Variants in SLC12A3 observed in about 807,000 individuals in gnomAD.
SLC12A3 encodes the protein Na-Cl cotransporter.
In SLC12A3, 104 loss-of-function variants were observed where a neutral mutation model predicts 121.0. The observed-to-expected ratio is 0.86, with a 90% CI of 0.73 to 1.01. SLC12A3 has a LOEUF of 1.01. Ranked by LOEUF, SLC12A3 falls within the 50% of genes least tolerant of loss-of-function variation. The pLI, the probability that SLC12A3 is intolerant of heterozygous loss-of-function variation, is 0.00. For missense variants in SLC12A3, 1,328 were observed against 1,356.3 expected (o/e 0.98, Z 0.33); for synonymous variants, 536 against 533.4 (o/e 1.00, Z -0.07).
intron 3 of SLC12A3, among the ~76,000 whole-genome samples, chr16:56,869,175 C>T (rs750290685): frequency 2.6e-4 from 40 of 152,196 alleles, no homozygotes; most frequent in African/African-American, 3.4e-4. Flanking sequence ...AAAAACACAG[C>T]GCAGATTTGG....
intron 17 of SLC12A3, 35 bp from the exon 18 acceptor site, chr16:56,887,890 G>C (rs748934104): frequency 1.3e-6 from 2 of 1,546,778 alleles, no homozygotes; most frequent in Admixed American, 1.7e-5. Context: ...CTGCCCCTCT[G>C]ATGGGTTCCC....
intron 22 of SLC12A3, among the ~76,000 whole-genome samples, chr16:56,896,978 A>G (rs924038779): frequency 5.3e-5 from 8 of 151,888 alleles, no homozygotes; most frequent in African/African-American, 1.7e-4. Context: ...TGCAGTCCCA[A>G]CTACTCAGGA....
intron 25 of SLC12A3, among the ~76,000 whole-genome samples, chr16:56,911,186 A>G (rs113402092): frequency 2.0e-5 from 3 of 152,250 alleles, no homozygotes; most frequent in African/African-American, 7.2e-5. Context: ...CAGTCAGGAG[A>G]GTTTGGGCTC....
rs139329616 is a variant in SLC12A3 at position 56,884,111 on chromosome 16, G to A, written c.1732G>A (p.Val578Met). The change falls in exon 14 of 26, where the codon GTG (valine) becomes ATG (methionine). Residue 578 changes from valine to methionine, a missense_variant. By Grantham distance (21) the Val-to-Met change is conservative. Transcript: ENST00000563236. ...WAALFGAIIS[V>M]VIMFLLTWWA... Reference sequence around the variant, plus strand: ...GGCGCTGTTTGGGGCTATCATCTCCGTGGTCATCATGTTCCTCCTCACCTG... The same window carrying A: ...GGCGCTGTTTGGGGCTATCATCTCCATGGTCATCATGTTCCTCCTCACCTG... The A allele has an allele frequency of 2.3e-4, 374 of 1,614,214 alleles. 2 individuals carry two copies. The East Asian group carries it at 6.8e-3, about 29-fold the overall frequency.
At chr16:56,907,430 C>T (rs1213483620) in intron 25 of SLC12A3, among the ~76,000 whole-genome samples, 1 of 150,252 alleles carries the variant, frequency 6.7e-6, no homozygotes, top group African/African-American at 2.5e-5. Context: ...TGCACTCCAG[C>T]CTGGATGACA....
At chr16:56,896,747 A>G (rs1567443898) in intron 22 of SLC12A3, among the ~76,000 whole-genome samples, 2 of 152,154 alleles carry the variant, frequency 1.3e-5, no homozygotes, top group Non-Finnish European at 2.9e-5. Context: ...TGCTATCTCT[A>G]TTTTTTAAAT....
chr16:56,868,203 G>A, intron 2 of SLC12A3, 94 bp from the exon 3 acceptor site: 1 of 1,195,750 alleles, frequency 8.4e-7, no homozygotes, highest in Non-Finnish European at 1.2e-6. Flanking sequence ...CTAGGGCCTA[G>A]GTGCTCGATA....
chr16:56,879,484 G>C (rs2055208147), intron 10 of SLC12A3, 58 bp from the exon 11 acceptor site: 2 of 1,425,458 alleles, frequency 1.4e-6, no homozygotes, highest in Non-Finnish European at 2.0e-6. Flanking sequence ...AAGTGCCACA[G>C]ATGGGGGCTC....
In SLC12A3 at chr16:56,870,672, T is replaced by C. The variant is rs774867598; in HGVS notation, c.788T>C (p.Ile263Thr). ...IVDPINDIRIIAVVSVTVLLA... is the reference protein window; with the variant it reads ...IVDPINDIRITAVVSVTVLLA... ...GACCCCATTAACGACATCCGCATCATTGCCGTGGTCTCGGTCACTGTGCTG... is the reference window on the plus strand; with the variant it reads ...GACCCCATTAACGACATCCGCATCACTGCCGTGGTCTCGGTCACTGTGCTG... Residue 263 changes from isoleucine to threonine, a missense_variant, in exon 6 of 26, where the codon ATT becomes ACT. Coordinates refer to ENST00000563236, the MANE Select transcript of SLC12A3 (RefSeq NM_001126108.2). 1.9e-6 allele frequency: 3 copies of C among 1,613,926 alleles called. No individual in the cohort carries two copies. The South Asian group carries it at 3.3e-5, about 18-fold the overall frequency.
intron 13 of SLC12A3, among the ~76,000 whole-genome samples, chr16:56,882,962 AT>A: frequency 6.6e-6 from 1 of 152,090 alleles, no homozygotes; most frequent in Non-Finnish European, 1.5e-5. Context: ...AATAATAATA[AT>A]GATAATAATA....
In SLC12A3 at chr16:56,880,206, G is replaced by A. The variant is rs147864812; in HGVS notation, c.1520G>A (p.Arg507His). ...KGYGKNKEPV[R>H]GYLLAYAIAV... ...TATGGCAAGAACAAGGAGCCCGTGCGTGGCTACCTGCTGGCCTACGCCATC... is the reference window on the plus strand; with the variant it reads ...TATGGCAAGAACAAGGAGCCCGTGCATGGCTACCTGCTGGCCTACGCCATC... Residue 507 changes from arginine (R) to histidine (H), a missense_variant, in exon 12 of 26, where the codon CGT becomes CAT. Coordinates refer to ENST00000563236, the MANE Select transcript of SLC12A3 (RefSeq NM_001126108.2). The A allele has an allele frequency of 2.9e-5, 46 of 1,594,106 alleles. No individual in the cohort carries two copies. In the Admixed American group the frequency reaches 6.1e-4, roughly 21 times the overall value.
At chr16:56,904,630 G>C (rs1339304021) in intron 25 of SLC12A3, 168 bp downstream of exon 25, 2 of 678,042 alleles carry the variant, frequency 2.9e-6, no homozygotes, top group South Asian at 1.6e-5. Flanking sequence ...CATGTGGCTG[G>C]GCCTGAGCCC....
intron 17 of SLC12A3, among the ~76,000 whole-genome samples, chr16:56,887,573 C>T (rs1368125554): frequency 1.3e-5 from 2 of 151,540 alleles, no homozygotes; most frequent in Non-Finnish European, 2.9e-5. Context: ...TGCCCAGGAC[C>T]TGGGAAACTG....
rs1183671045 is a variant in SLC12A3 at position 56,881,557 on chromosome 16, C to T, written c.1568-839C>T. ...ACAGAGGACCTGGCACATTGGTGCA[C>T]GTCGTGTTTTGGGATCCCCAGAAGC... On this transcript the variant is annotated intron_variant, in intron 12 of 25. Transcript: ENST00000563236. Among the ~76,000 whole-genome samples the T allele has an allele frequency of 5.3e-5, 8 of 151,920 alleles. No individual in the cohort carries two copies. In the East Asian group the frequency reaches 7.7e-4, roughly 15 times the overall value.
At chr16:56,875,435 T>C (rs2055153429) in intron 8 of SLC12A3, among the ~76,000 whole-genome samples, 1 of 152,188 alleles carries the variant, frequency 6.6e-6, no homozygotes, top group South Asian at 2.1e-4. Flanking sequence ...GTTATCATTG[T>C]CATTTTTACC....
rs868791977 is a variant in SLC12A3, at chr16:56,885,404, C to T, written c.1925+40C>T. On this transcript the variant is annotated intron_variant, in intron 15 of 25. Transcript: ENST00000563236. Reference sequence around the variant, plus strand: ...TGGGACCCACCTGGGACCCCAGGGCCAGTGATGGCTCCACCCTGGGAGTTT... The same window carrying T: ...TGGGACCCACCTGGGACCCCAGGGCTAGTGATGGCTCCACCCTGGGAGTTT... 3.1e-6 allele frequency: 4 copies of T among 1,292,370 alleles called. No individual in the cohort carries two copies. In the African/African-American group the frequency reaches 4.4e-5, roughly 14 times the overall value. The allele number at this position is 1,292,370 out of a possible 1,614,324, so 80.1% of individuals were successfully genotyped here.
chr16:56,900,971 C>A, intron 23 of SLC12A3, among the ~76,000 whole-genome samples: 1 of 152,280 alleles, frequency 6.6e-6, no homozygotes, highest in Middle Eastern at 3.4e-3. Context: ...CTAATCCTCC[C>A]GCTCCCAACC....
intron 6 of SLC12A3, among the ~76,000 whole-genome samples, chr16:56,871,356 T>C (rs1465712736): frequency 6.6e-6 from 1 of 152,240 alleles, no homozygotes; most frequent in Non-Finnish European, 1.5e-5. Context: ...TTTCTTTTTA[T>C]GGCACCATCT....
chr16:56,883,858 C>T lies in SLC12A3; in HGVS notation c.1670-191C>T, dbSNP rs374182921. On this transcript the variant is annotated intron_variant, in intron 13 of 25. Coordinates refer to ENST00000563236, the MANE Select transcript of SLC12A3 (RefSeq NM_001126108.2). ...CTGGTGAAATGCCAGCCAAAGCAGGCGTGTGATTTGCCCCAGAGCCTGTAG... is the reference window on the plus strand; with the variant it reads ...CTGGTGAAATGCCAGCCAAAGCAGGTGTGTGATTTGCCCCAGAGCCTGTAG... Among the ~76,000 whole-genome samples the T allele has an allele frequency of 1.3e-5, 2 of 152,332 alleles. No homozygotes were observed. Among genetic ancestry groups the T allele is most frequent in the South Asian group, 2.1e-4 (1 of 4,822 alleles).
Sources: gnomAD v4.1 joint callset for allele counts (sites outside exome capture counted in the v4.1 genomes callset) on GRCh38, gnomAD v4.1.1 for gene constraint, MANE v1.5 for transcripts, NCBI Gene and HGNC (gene_info 2026-07-23, HGNC 2026-07-21) for gene names.